SIN3A: variants seen among roughly 807,000 people sequenced by gnomAD.
SIN3A encodes SIN3 transcription regulator family member A, also known as paired amphipathic helix protein Sin3a.
SIN3A carries 14 observed loss-of-function variants against 146.1 expected under a neutral mutation model. That is an observed-to-expected ratio of 0.10 (90% CI 0.06 to 0.15). The LOEUF is 0.15. Ranked by LOEUF, SIN3A falls within the 10% of genes least tolerant of loss-of-function variation. The pLI is 1.00. For synonymous variants in SIN3A, 572 were observed against 572.0 expected (o/e 1.00, Z 0.00); for missense variants, 1,028 against 1,576.0 (o/e 0.65, Z 5.89).
chr15:75,416,175 C>T (rs777698809), intron 3 of SIN3A, among the ~76,000 whole-genome samples: 4 of 152,152 alleles, frequency 2.6e-5, no homozygotes, highest in Non-Finnish European at 4.4e-5. Flanking sequence ...GTGTTGTTAT[C>T]GCACACAGAA....
At chr15:75,380,949 A>C in intron 18 of SIN3A, 1 of 448,836 alleles carries the variant, frequency 2.2e-6, no homozygotes, top group South Asian at 2.7e-5. Flanking sequence ...TAAGGTTATG[A>C]GAAGTCATAA....
chr15:75,411,507 A>G lies in SIN3A; in HGVS notation c.993T>C (p.Ile331=), dbSNP rs750028129. Residue 331 remains isoleucine (I), a synonymous_variant, in exon 6 of 21, where the codon ATT becomes ATC. Transcript: ENST00000394947. ...QPDIYKAFLE[I]LHTYQKEQRN... ...CACTCCTTACCTGATATGTGTGCAA[A>G]ATCTCCAGGAATGCTTTGTAGATGT... 1.2e-6 allele frequency: 2 copies of G among 1,613,926 alleles called. No individual in the cohort carries two copies. The highest frequency in any genetic ancestry group is 1.7e-6 in the Non-Finnish European group (2 of 1,179,888).
intron 12 of SIN3A, among the ~76,000 whole-genome samples, chr15:75,398,326 G>A (rs1050575387): frequency 1.2e-4 from 18 of 152,238 alleles, no homozygotes; most frequent in Middle Eastern, 6.8e-3. Context: ...AGGTGGTATG[G>A]GGCCTTCTAC....
Position 75,384,251 on chromosome 15 carries a change from G to T in SIN3A, c.3195+13C>A. 5 of 1,594,112 alleles carry T rather than the reference G, an allele frequency of 3.1e-6. No homozygotes were observed. In the South Asian group the frequency reaches 5.6e-5, roughly 18 times the overall value. ...TCACCAGCAAGGTCTTCGACTACCT[G>T]ACCAACTCTCACCTTAAAGCAATTC... On this transcript the variant is annotated intron_variant, in intron 17 of 20. Coordinates refer to ENST00000394947, the MANE Select transcript of SIN3A (RefSeq NM_001145358.2).
chr15:75,386,142 C>CA (rs1380470746), intron 16 of SIN3A, among the ~76,000 whole-genome samples: 1 of 152,172 alleles, frequency 6.6e-6, no homozygotes, highest in African/African-American at 2.4e-5. Flanking sequence ...TCCCATACCT[C>CA]AGCCTCTTAA....
At position 75,409,994 on chromosome 15, in the gene SIN3A, G is replaced by A; in HGVS notation, c.1162-3C>T. On this transcript the variant is annotated splice_polypyrimidine_tract_variant and splice_region_variant and intron_variant, in intron 7 of 20. Transcript: ENST00000394947. Reference sequence around the variant, plus strand: ...TCAGCAGTTGTTTTGCTTAAAAGCTGATTAAGACACATGAATGAGATTAAT... The same window carrying A: ...TCAGCAGTTGTTTTGCTTAAAAGCTAATTAAGACACATGAATGAGATTAAT... 1 of 1,614,002 alleles carries A rather than the reference G, an allele frequency of 6.2e-7. No individual in the cohort carries two copies. Among genetic ancestry groups the A allele is most frequent in the Non-Finnish European group, 8.5e-7 (1 of 1,179,938 alleles).
At chr15:75,382,400 A>G (rs1203021783) in intron 17 of SIN3A, among the ~76,000 whole-genome samples, 1 of 152,242 alleles carries the variant, frequency 6.6e-6, no homozygotes, top group African/African-American at 2.4e-5. Context: ...TTCACAATTT[A>G]TAATTTAAGA....
chr15:75,390,663 T>C (rs1012097807), intron 15 of SIN3A, among the ~76,000 whole-genome samples: 2 of 152,220 alleles, frequency 1.3e-5, no homozygotes, highest in Non-Finnish European at 2.9e-5. Flanking sequence ...TTCTTGAACA[T>C]AGGTACGTCT....
intron 9 of SIN3A, among the ~76,000 whole-genome samples, chr15:75,402,517 C>T (rs1195218377): frequency 1.3e-5 from 2 of 151,270 alleles, no homozygotes. Context: ...GACTCTGTCT[C>T]ATAAGTAAAA....
Position 75,372,072 on chromosome 15 carries a change from C to T in SIN3A, c.3729G>A (p.Val1243=). The T allele has an allele frequency of 6.2e-7, 1 of 1,614,186 alleles. No individual in the cohort carries two copies. The highest frequency in any genetic ancestry group is 2.2e-5 in the East Asian group (1 of 44,884). ...CTGTATCACAGGTGGTGGTACAGGG[C>T]ACCAGGCCCTCCAGCCCCTCACCCA... The part of the protein sequence containing the change: ...WLMGEGLEGL[V]PCTTTCDTET... Residue 1243 remains valine (V), a synonymous_variant, in exon 21 of 21, where the codon GTG becomes GTA. Coordinates refer to ENST00000394947, the MANE Select transcript of SIN3A (RefSeq NM_001145358.2).
In SIN3A at chr15:75,426,911, G is replaced by A. The variant is rs747778447; in HGVS notation, c.189+3276C>T. 4.6e-4 allele frequency among the ~76,000 whole-genome samples: 70 copies of A among 152,002 alleles called. 1 individual carries two copies. Among genetic ancestry groups the A allele is most frequent in the Non-Finnish European group, 6.5e-4 (44 of 67,962 alleles). ...CATGCCACAGCCTTCCAGCCTGGGC[G>A]AGAGTGTGACTCTGTCTCAAAAAAA... On this transcript the variant is annotated intron_variant, in intron 2 of 20. Coordinates refer to ENST00000394947, the MANE Select transcript of SIN3A (RefSeq NM_001145358.2).
chr15:75,445,088 A>C (rs1463098354), intron 1 of SIN3A, among the ~76,000 whole-genome samples: 3 of 151,946 alleles, frequency 2.0e-5, no homozygotes, highest in Non-Finnish European at 4.4e-5. Flanking sequence ...AATCTTTCAA[A>C]ATATCTATAA....
intron 13 of SIN3A, 104 bp downstream of exon 13, chr15:75,396,154 A>C (rs2073299345): frequency 1.2e-6 from 1 of 825,000 alleles, no homozygotes; most frequent in East Asian, 2.5e-5. Flanking sequence ...GGAGAAAGAG[A>C]GGTCTCATGG....
At position 75,370,188 on chromosome 15, in the gene SIN3A, T is replaced by C. The variant is rs548574399; in HGVS notation, c.*1791A>G. 6.6e-5 allele frequency: 10 copies of C among 152,506 alleles called. No individual in the cohort carries two copies. Among genetic ancestry groups the C allele is most frequent in the African/African-American group, 2.4e-4 (10 of 41,570 alleles). 9.4% of individuals were successfully genotyped at this position (152,506 alleles called of 1,614,324 possible). A position where few individuals can be genotyped will look rare whatever the true frequency, so the allele number is the denominator to read the frequency against. On this transcript the variant is annotated 3_prime_UTR_variant, in exon 21 of 21. Transcript: ENST00000394947. Reference sequence around the variant, plus strand: ...GGGAGGTCAAGCCTGCAGTGAGCTATGATCGTGGCACTGCACTCCAGTGTG... The same window carrying C: ...GGGAGGTCAAGCCTGCAGTGAGCTACGATCGTGGCACTGCACTCCAGTGTG...
At chr15:75,402,051 G>A in intron 9 of SIN3A, 81 bp from the exon 10 acceptor site, 4 of 851,684 alleles carry the variant, frequency 4.7e-6, no homozygotes, top group South Asian at 1.5e-5. Flanking sequence ...CTGTCGCCCA[G>A]GAGGAGGCGC....
At chr15:75,425,490 T>C (rs750337433) in intron 2 of SIN3A, among the ~76,000 whole-genome samples, 1 of 152,188 alleles carries the variant, frequency 6.6e-6, no homozygotes, top group Non-Finnish European at 1.5e-5. Flanking sequence ...TTTGCTTATC[T>C]TGATTTGCTA....
intron 4 of SIN3A, among the ~76,000 whole-genome samples, chr15:75,413,769 GCAGATACTCAGATGATATATATAAAGC>G (rs1555446623): frequency 6.6e-6 from 1 of 152,108 alleles, no homozygotes; most frequent in Non-Finnish European, 1.5e-5. Context: ...ATTCTACCAA[GCAGATACTCAGATGATATATATAAAGC>G]TACATATCCC....
intron 19 of SIN3A, among the ~76,000 whole-genome samples, chr15:75,379,937 G>A (rs2072933854): frequency 6.6e-6 from 1 of 152,184 alleles, no homozygotes; most frequent in Non-Finnish European, 1.5e-5. Context: ...TTGGCTGGGG[G>A]CTGGGATCTT....
chr15:75,381,156 AC>A (rs369306465), intron 18 of SIN3A: 2,776 of 165,736 alleles, frequency 0.017, 82 homozygotes, highest in African/African-American at 0.065. Context: ...ATCCCACACG[AC>A]CCCCCCCAAC....
Sources: allele counts gnomAD v4.1 joint callset (sites outside exome capture counted in the v4.1 genomes callset), GRCh38; gene constraint gnomAD v4.1.1; transcripts MANE v1.5; gene names NCBI Gene and HGNC (gene_info 2026-07-23, HGNC 2026-07-21).